Variants in ZAN observed in about 807,000 individuals in gnomAD.
ZAN encodes the protein zonadhesin (gene/pseudogene).
ZAN carries 260 observed loss-of-function variants against 286.2 expected under a neutral mutation model. That is an observed-to-expected ratio of 0.91 (90% CI 0.82 to 1.01). The LOEUF is 1.01. Among genes scored for constraint, ZAN ranks in the 50% least tolerant of loss-of-function variants. ZAN has a pLI of 0.00. For synonymous variants in ZAN, 1,368 were observed against 1,417.5 expected (o/e 0.97, Z 0.79); for missense variants, 3,410 against 3,639.2 (o/e 0.94, Z 1.62).
Position 100,764,145 on chromosome 7 carries a change from T to G in ZAN, c.4216T>G (p.Cys1406Gly), listed in dbSNP as rs1809789767. Reference sequence around the variant, plus strand: ...ACACATGTCCACCATGACCACCACCTGCCAGGACGCAGGCCACGCTGTGAA... The same window carrying G: ...ACACATGTCCACCATGACCACCACCGGCCAGGACGCAGGCCACGCTGTGAA... ...CTHMSTMTTT[C>G]QDAGHAVKPW... is the part of the protein sequence containing the mutation. The change falls in exon 22 of 48, where the codon TGC becomes GGC. Residue 1406 changes from cysteine to glycine, a missense_variant. Transcript: ENST00000613979. 6.2e-7 allele frequency: 1 copy of G among 1,608,778 alleles called. No individual in the cohort carries two copies. Among genetic ancestry groups the G allele is most frequent in the African/African-American group, 1.3e-5 (1 of 74,796 alleles).
chr7:100,776,066 C>G (rs1200772599), intron 33 of ZAN, among the ~76,000 whole-genome samples: 2 of 152,032 alleles, frequency 1.3e-5, no homozygotes, highest in African/African-American at 4.8e-5. Context: ...GTAATCTCAG[C>G]ACTCTGGGAG....
rs1319686121 is a variant in ZAN, at chr7:100,787,445, A to G, written c.6980-444A>G. Among the ~76,000 whole-genome samples, 3 of 152,048 alleles carry G rather than the reference A, an allele frequency of 2.0e-5. No homozygotes were observed. The East Asian group carries it at 5.8e-4, about 29-fold the overall frequency. On this transcript the variant is annotated intron_variant, in intron 37 of 47. Transcript: ENST00000613979. ...AAAAGAAAAAGAAAATTAAAAAAAG[A>G]AAAGAAAGGATCCAGGGAGCCTGAG...
intron 27 of ZAN, among the ~76,000 whole-genome samples, chr7:100,769,460 TTTTTC>T (rs943835796): frequency 7.2e-5 from 11 of 152,120 alleles, no homozygotes; most frequent in African/African-American, 4.8e-5. Context: ...CTTGTCTTTT[TTTTTC>T]TTTTCTTTTC....
In ZAN at chr7:100,743,855, C is replaced by T. The variant is rs1000317870; in HGVS notation, c.767-2683C>T. Among the ~76,000 whole-genome samples, 5 of 151,220 alleles carry T rather than the reference C, an allele frequency of 3.3e-5. No homozygotes were observed. The South Asian group carries it at 8.3e-4, about 25-fold the overall frequency. Reference sequence around the variant, plus strand: ...TCGCACTACTGCACTCCAGCCTGGGCGACAGAGTGAGATTGTGTCTCAAAA... The same window carrying T: ...TCGCACTACTGCACTCCAGCCTGGGTGACAGAGTGAGATTGTGTCTCAAAA... On this transcript the variant is annotated intron_variant, in intron 7 of 47. Transcript: ENST00000613979.
rs2075670 is a variant in ZAN at position 100,747,726 on chromosome 7, C to A, written c.1023+85C>A. ...AATTGAGGGGCCTGGTGCTGTGGCT[C>A]ATGCCTGTATTCCCAATACTTTGGG... On this transcript the variant is annotated intron_variant, in intron 9 of 47. Transcript: ENST00000613979. 8.5e-4 allele frequency: 1,137 copies of A among 1,330,588 alleles called. 12 individuals carry two copies. In the East Asian group the frequency reaches 0.014, roughly 16 times the overall value. The allele number at this position is 1,330,588 out of a possible 1,614,324, so 82.4% of individuals were successfully genotyped here. A position where few individuals can be genotyped will look rare whatever the true frequency, so the allele number is the denominator to read the frequency against.
chr7:100,739,966 C>T (rs1454448096), intron 7 of ZAN, among the ~76,000 whole-genome samples: 3 of 141,666 alleles, frequency 2.1e-5, no homozygotes, highest in Non-Finnish European at 4.8e-5. Context: ...GGCGAGTTAC[C>T]GATTTTAAAT....
chr7:100,743,295 T>A (rs1004180458), intron 7 of ZAN, among the ~76,000 whole-genome samples: 10 of 152,118 alleles, frequency 6.6e-5, no homozygotes, highest in African/African-American at 2.2e-4. Flanking sequence ...ATGCTGGGAT[T>A]ACAAGCGTAA....
chr7:100,795,347 C>G lies in ZAN; in HGVS notation c.8266+11C>G. ...CTCCCAGAAAGCCAGGTGAGGGCAT[C>G]GTCCAAGGCCCTGTACCCTCACAAC... On this transcript the variant is annotated intron_variant, in intron 45 of 47. Coordinates refer to ENST00000613979, the MANE Select transcript of ZAN (RefSeq NM_003386.3). 1.3e-6 allele frequency: 2 copies of G among 1,568,558 alleles called. No homozygotes were observed. Among genetic ancestry groups the G allele is most frequent in the Non-Finnish European group, 1.7e-6 (2 of 1,155,038 alleles).
At chr7:100,744,459 C>G (rs1230081925) in intron 7 of ZAN, among the ~76,000 whole-genome samples, 1 of 150,844 alleles carries the variant, frequency 6.6e-6, no homozygotes, top group Admixed American at 6.6e-5. Flanking sequence ...ATTAGCTGGG[C>G]TTGGTGGTGT....
In ZAN at chr7:100,739,292, G is replaced by A. The variant is rs1376362376; in HGVS notation, c.766+679G>A. 2.2e-5 allele frequency among the ~76,000 whole-genome samples: 3 copies of A among 136,850 alleles called. 1 individual carries two copies. Among genetic ancestry groups the A allele is most frequent in the Admixed American group, 7.3e-5 (1 of 13,730 alleles). The allele number at this position is 136,850 out of a possible 152,430, so 89.8% of individuals were successfully genotyped here. The stretch of plus-strand genomic sequence containing the variant: ...CTCCCAAATGCTGGGATTACAGCGT[G>A]AGCCATTGCTTCTGGCCCCTTTCAT... On this transcript the variant is annotated intron_variant, in intron 7 of 47. Transcript: ENST00000613979.
At chr7:100,762,938 G>T (rs1010441317) in intron 20 of ZAN, among the ~76,000 whole-genome samples, 3 of 151,182 alleles carry the variant, frequency 2.0e-5, no homozygotes, top group African/African-American at 7.3e-5. Context: ...CTCACCAGAT[G>T]GGGGGTTGAC....
chr7:100,789,267 G>A lies in ZAN; in HGVS notation c.7277G>A (p.Arg2426Gln), dbSNP rs772226552. 8 of 1,613,704 alleles carry A rather than the reference G, an allele frequency of 5.0e-6. No individual in the cohort carries two copies. Among genetic ancestry groups the A allele is most frequent in the East Asian group, 2.2e-5 (1 of 44,896 alleles). The change falls in exon 39 of 48, where the codon CGG becomes CAG. Residue 2426 changes from arginine (R) to glutamine (Q), a missense_variant. Arg to Gln is a conservative substitution (Grantham distance 43). Coordinates refer to ENST00000613979, the MANE Select transcript of ZAN (RefSeq NM_003386.3). ...CCCTACAGGCCAAATGAACACCTGCGGGTCACCCTGTGGGGCCAACGGCTC... is the reference window on the plus strand; with the variant it reads ...CCCTACAGGCCAAATGAACACCTGCAGGTCACCCTGTGGGGCCAACGGCTC... ...AVPYRPNEHL[R>Q]VTLWGQRLYL...
intron 22 of ZAN, 122 bp from the exon 23 acceptor site, chr7:100,765,230 C>G: frequency 8.8e-7 from 1 of 1,140,798 alleles, no homozygotes; most frequent in Non-Finnish European, 1.2e-6. Flanking sequence ...CACAGTCACT[C>G]TCTCTTCTCG....
In ZAN at chr7:100,788,097, C is replaced by A. The variant is rs370536555; in HGVS notation, c.7188C>A (p.Tyr2396Ter). 1 of 1,562,606 alleles carries A rather than the reference C, an allele frequency of 6.4e-7. No individual in the cohort carries two copies. Among genetic ancestry groups the A allele is most frequent in the South Asian group, 1.2e-5 (1 of 83,654 alleles). Residue 2396 changes from tyrosine to a stop codon, truncating the protein, a stop_gained, in exon 38 of 48, where the codon TAC (tyrosine) becomes TAA (stop). Transcript: ENST00000613979. LOFTEE classifies it high-confidence loss of function. ...IFLQEVITTV[Y>*]GYKVQLQAGL... ...TGCAGGAAGTGATTACCACCGTCTA[C>A]GGCTATAAAGTGCAGCTCCAAGCTG...
rs1359080133 is a variant in ZAN, at chr7:100,776,538, T to C, written c.6291T>C (p.Ser2097=). 1.9e-6 allele frequency: 3 copies of C among 1,562,904 alleles called. No homozygotes were observed. Among genetic ancestry groups the C allele is most frequent in the Admixed American group, 1.9e-5 (1 of 51,812 alleles). Reference sequence around the variant, plus strand: ...ATAGTGACAGTGAATTTGTGAACAGTTGGAAAGATAAGGACATTGACCCAA... The same window carrying C: ...ATAGTGACAGTGAATTTGTGAACAGCTGGAAAGATAAGGACATTGACCCAA... ...VANSDSEFVN[S]WKDKDIDPSC... Residue 2097 remains serine (S), a synonymous_variant, in exon 34 of 48, where the codon AGT becomes AGC. Coordinates refer to ENST00000613979, the MANE Select transcript of ZAN (RefSeq NM_003386.3).
intron 9 of ZAN, among the ~76,000 whole-genome samples, 181 bp downstream of exon 9, chr7:100,747,822 C>T (rs1808336615): frequency 6.6e-6 from 1 of 151,668 alleles, no homozygotes; most frequent in Non-Finnish European, 1.5e-5. Context: ...AAGACCCCAT[C>T]TCTACAAAAA....
At position 100,758,256 on chromosome 7, in the gene ZAN, G is replaced by A. The variant is rs200810028; in HGVS notation, c.3364G>A (p.Gly1122Ser). ...CACAGAACATTGCCGCTGCTGGCCC[G>A]GCAGTCGGGTCGAGTGCCAGATCTC... ...NCTEHCRCWP[G>S]SRVECQISQC... Residue 1122 changes from glycine (G) to serine (S), a missense_variant, in exon 16 of 48, where the codon GGC becomes AGC. This residue lies in a region of ZAN where 1,042 missense variants were observed against 1,058.0 expected (regional missense o/e 0.98). Transcript: ENST00000613979. The A allele has an allele frequency of 1.4e-4, 218 of 1,613,388 alleles. 1 individual carries two copies. In the East Asian group the frequency reaches 2.9e-3, roughly 22 times the overall value.
chr7:100,755,525 G>C (rs1243686622), intron 15 of ZAN, 115 bp downstream of exon 15: 1 of 1,244,252 alleles, frequency 8.0e-7, no homozygotes, highest in Non-Finnish European at 1.1e-6. Flanking sequence ...TAGTCCCAAG[G>C]GGTCAGCTCA....
intron 35 of ZAN, among the ~76,000 whole-genome samples, chr7:100,781,099 C>T (rs1170820191): frequency 3.3e-5 from 5 of 151,960 alleles, no homozygotes; most frequent in Admixed American, 1.3e-4. Flanking sequence ...GACAGAATCT[C>T]GCTCTGTCAC....
Sources: gnomAD v4.1 joint callset for allele counts (sites outside exome capture counted in the v4.1 genomes callset) on GRCh38, gnomAD v4.1.1 for gene constraint, gnomAD v4.1.1 regional missense constraint, MANE v1.5 for transcripts, NCBI Gene and HGNC (gene_info 2026-07-23, HGNC 2026-07-21) for gene names.